The following RANBP2 variants were observed in gnomAD, a reference collection of about 807,000 sequenced individuals.
RANBP2 encodes RAN binding protein 2.
Under a neutral mutation model 303.6 loss-of-function variants are expected in RANBP2, and 57 were observed. That is an observed-to-expected ratio of 0.19 (90% CI 0.15 to 0.23). The LOEUF (loss-of-function observed/expected upper bound fraction) is 0.23, where lower values mean the gene tolerates loss of function less well. Among genes scored for constraint, RANBP2 ranks in the 10% least tolerant of loss-of-function variants. The probability of loss-of-function intolerance (pLI) is 1.00; values close to 1 mark genes in which losing one functional copy is unlikely to be tolerated. For missense variants in RANBP2, 3,138 were observed against 3,780.8 expected (o/e 0.83, Z 4.46); for synonymous variants, 1,167 against 1,301.5 (o/e 0.90, Z 2.23).
At chr2:109,517,438 C>T in the RANBP2 span, among the ~76,000 whole-genome samples, 1 of 152,234 alleles carries the variant, frequency 6.6e-6, no homozygotes, top group Non-Finnish European at 1.5e-5. Context: ...CGAACCACCG[C>T]AGCAAGGAAG....
chr2:109,286,608 G>A, the RANBP2 span, among the ~76,000 whole-genome samples: 1 of 152,212 alleles, frequency 6.6e-6, no homozygotes, highest in Admixed American at 6.5e-5. Context: ...CACATGGTGA[G>A]GGGAGCTTCC....
At chr2:109,538,196 G>C in the RANBP2 span, among the ~76,000 whole-genome samples, 2 of 152,120 alleles carry the variant, frequency 1.3e-5, no homozygotes, top group African/African-American at 4.8e-5. Context: ...CAGCAGCATT[G>C]TAACTCTCTG....
chr2:108,948,962 T>TA, the RANBP2 span, among the ~76,000 whole-genome samples: 2 of 152,086 alleles, frequency 1.3e-5, no homozygotes, highest in Non-Finnish European at 2.9e-5. Context: ...CTAAAAAACT[T>TA]AAAAAAATTA....
At chr2:109,218,154 TA>T in the RANBP2 span, among the ~76,000 whole-genome samples, 56,793 of 148,666 alleles carry the variant, frequency 0.38, 12,055 homozygotes, top group East Asian at 0.8. Flanking sequence ...TCTGTTCTAT[TA>T]AAAAAAAAAA....
At chr2:109,014,733 G>A in the RANBP2 span, among the ~76,000 whole-genome samples, 1 of 152,236 alleles carries the variant, frequency 6.6e-6, no homozygotes. Context: ...GCAGGGCGCA[G>A]AGCCAGACAC....
the RANBP2 span, among the ~76,000 whole-genome samples, chr2:109,629,197 G>C: frequency 2.4e-5 from 1 of 41,840 alleles, no homozygotes; most frequent in African/African-American, 1.1e-4. Context: ...GCAAGACTCC[G>C]TCTCAAAAAT....
chr2:109,558,606 T>C, the RANBP2 span, among the ~76,000 whole-genome samples: 1 of 152,194 alleles, frequency 6.6e-6, no homozygotes, highest in South Asian at 2.1e-4. Context: ...TATAGTGCTA[T>C]TTACGTGGGC....
At chr2:109,070,837 G>T in the RANBP2 span, among the ~76,000 whole-genome samples, 27 of 148,706 alleles carry the variant, frequency 1.8e-4, no homozygotes, top group Middle Eastern at 6.9e-3. Context: ...TCCAGCCTGG[G>T]CAACAAAGCC....
At chr2:109,562,498 G>A in the RANBP2 span, among the ~76,000 whole-genome samples, 48,340 of 151,890 alleles carry the variant, frequency 0.32, 7,919 homozygotes, top group Admixed American at 0.42. Flanking sequence ...ATTTGGCTGA[G>A]CAGATAGCAG....
At chr2:109,410,173 G>A in the RANBP2 span, among the ~76,000 whole-genome samples, 1 of 152,338 alleles carries the variant, frequency 6.6e-6, no homozygotes, top group East Asian at 1.9e-4. Context: ...TCGGGGAACC[G>A]CGGCCACAGC....
the RANBP2 span, among the ~76,000 whole-genome samples, chr2:109,249,467 C>CTTTCTT: frequency 4.0e-5 from 4 of 99,290 alleles, no homozygotes; most frequent in Non-Finnish European, 8.1e-5. Context: ...TTCTCTCTTT[C>CTTTCTT]TCTTTCTTTC....
the RANBP2 span, among the ~76,000 whole-genome samples, chr2:109,471,564 T>TG: frequency 2.6e-5 from 4 of 152,156 alleles, no homozygotes; most frequent in Non-Finnish European, 5.9e-5. Context: ...AGCCAAACCA[T>TG]ATCAGTCAGT....
At chr2:109,163,736 A>C in the RANBP2 span, among the ~76,000 whole-genome samples, 1 of 152,172 alleles carries the variant, frequency 6.6e-6, no homozygotes. Flanking sequence ...ACGATTCCAC[A>C]GTGAGTAACT....
the RANBP2 span, among the ~76,000 whole-genome samples, chr2:109,357,542 A>C: frequency 6.6e-6 from 1 of 152,314 alleles, no homozygotes; most frequent in East Asian, 1.9e-4. Context: ...TGCCTCTGAC[A>C]GTTACCAGCC....
At chr2:109,222,368 T>A in the RANBP2 span, among the ~76,000 whole-genome samples, 2 of 152,228 alleles carry the variant, frequency 1.3e-5, no homozygotes, top group Non-Finnish European at 2.9e-5. Flanking sequence ...AAAGAAATGA[T>A]AAAGATTTGA....
chr2:109,414,060 C>T, the RANBP2 span, among the ~76,000 whole-genome samples: 1 of 152,238 alleles, frequency 6.6e-6, no homozygotes, highest in Non-Finnish European at 1.5e-5. Context: ...GCACCATCTC[C>T]CCTGGGCTAT....
chr2:108,774,639 C>T (rs1724203), intron 23 of RANBP2, among the ~76,000 whole-genome samples: 54,348 of 151,528 alleles, frequency 0.36, 12,919 homozygotes, highest in African/African-American at 0.68. Flanking sequence ...TTTTAAAAAA[C>T]ACTATTGATT....
chr2:108,794,224 A>G, the RANBP2 span, among the ~76,000 whole-genome samples: 3 of 152,202 alleles, frequency 2.0e-5, no homozygotes, highest in Admixed American at 2.0e-4. Flanking sequence ...AGAGGGGAAC[A>G]TGATTAGGGG....
chr2:109,166,336 G>A, the RANBP2 span, among the ~76,000 whole-genome samples: 1 of 152,058 alleles, frequency 6.6e-6, no homozygotes, highest in Admixed American at 6.6e-5. Context: ...AATTAGCCGA[G>A]TGTGGTGGTG....
Sources: allele counts gnomAD v4.1 joint callset (sites outside exome capture counted in the v4.1 genomes callset), GRCh38; gene constraint gnomAD v4.1.1; transcripts MANE v1.5; gene names NCBI Gene and HGNC (gene_info 2026-07-23, HGNC 2026-07-21).